Variants in TOMM22 observed in about 807,000 individuals in gnomAD.
The protein encoded by TOMM22 is translocase of outer mitochondrial membrane 22, also known as mitochondrial import receptor subunit TOM22 homolog.
A neutral mutation model predicts 17.1 loss-of-function variants in TOMM22; 3 were observed. The ratio of observed to expected loss-of-function variants is 0.18; its 90% CI spans 0.08 to 0.45. TOMM22 has a LOEUF of 0.45. Among genes scored for constraint, TOMM22 ranks in the 20% least tolerant of loss-of-function variants. The probability of loss-of-function intolerance (pLI) is 0.99; values close to 1 mark genes in which losing one functional copy is unlikely to be tolerated. For synonymous variants in TOMM22, 91 were observed against 74.0 expected, an observed-to-expected ratio of 1.23 and a Z score of -1.18; for missense variants, 159 against 179.5, an observed-to-expected ratio of 0.89 and a Z score of 0.65.
rs1025457542 is a variant in TOMM22, at chr22:38,684,254, A to G, written c.*413A>G. ...GTTGTTGGGGCAGGACATGCACACA[A>G]TGTGAAACAGACAAAATGCATTACA... On this transcript the variant is annotated 3_prime_UTR_variant, in exon 4 of 4. Coordinates refer to ENST00000216034, the MANE Select transcript of TOMM22 (RefSeq NM_020243.5). 14 of 175,686 alleles carry G rather than the reference A, an allele frequency of 8.0e-5. No individual in the cohort carries two copies. Among genetic ancestry groups the G allele is most frequent in the African/African-American group, 1.2e-4 (5 of 42,102 alleles). The allele number at this position is 175,686 out of a possible 1,614,324, so 10.9% of individuals were successfully genotyped here. A position where few individuals can be genotyped will look rare whatever the true frequency, so the allele number is the denominator to read the frequency against.
At chr22:38,682,825 G>A in intron 2 of TOMM22, 54 bp from the exon 3 acceptor site, 2 of 1,503,930 alleles carry the variant, frequency 1.3e-6, no homozygotes, top group Non-Finnish European at 1.8e-6. Context: ...GGTAGTTCTT[G>A]CCTGTTTTGT....
intron 3 of TOMM22, among the ~76,000 whole-genome samples, 154 bp downstream of exon 3, chr22:38,683,150 G>GGGGGGGGGGGGGGGGGGC: frequency 1.5e-5 from 2 of 137,040 alleles, no homozygotes; most frequent in South Asian, 2.4e-4. Context: ...GTCGGGGGGG[G>GGGGGGGGGGGGGGGGGGC]GGTTCTGGAT....
chr22:38,683,656 G>A (rs756380200), intron 3 of TOMM22, 111 bp from the exon 4 acceptor site: 38 of 784,258 alleles, frequency 4.8e-5, no homozygotes, highest in Non-Finnish European at 7.3e-5. Context: ...TCTTTTAGTT[G>A]TCTGACTGTG....
Position 38,684,576 on chromosome 22 carries a change from C to T in TOMM22, c.*735C>T, listed in dbSNP as rs1197239597. On this transcript the variant is annotated 3_prime_UTR_variant, in exon 4 of 4. Transcript: ENST00000216034. ...TCACCTAAACCAGCAGCACCTCCAT[C>T]TTAACAGCCATAGGCCCAAATTGTT... 6.6e-6 allele frequency: 1 copy of T among 152,212 alleles called. No homozygotes were observed. The highest frequency in any genetic ancestry group is 2.4e-5 in the African/African-American group (1 of 41,442). The allele number at this position is 152,212 out of a possible 1,614,324, so 9.4% of individuals were successfully genotyped here.
At chr22:38,682,556 T>G in intron 2 of TOMM22, 115 bp downstream of exon 2, 1 of 879,042 alleles carries the variant, frequency 1.1e-6, no homozygotes, top group Non-Finnish European at 1.8e-6. Flanking sequence ...GCTTGTACCC[T>G]ATCCTTTCTT....
chr22:38,682,317 C>T lies in TOMM22; in HGVS notation c.118-6C>T, dbSNP rs768806882. 34 of 1,613,152 alleles carry T rather than the reference C, an allele frequency of 2.1e-5. No individual in the cohort carries two copies. The South Asian group carries it at 3.3e-4, about 16-fold the overall frequency. ...TCGGCTAAGACCCGCGTCTACTCCA[C>T]CACAGCTAGATGAGACCCTGTCGGA... On this transcript the variant is annotated splice_polypyrimidine_tract_variant and splice_region_variant and intron_variant, in intron 1 of 3. Transcript: ENST00000216034.
At position 38,684,043 on chromosome 22, in the gene TOMM22, C is replaced by A; in HGVS notation, c.*202C>A. On this transcript the variant is annotated 3_prime_UTR_variant, in exon 4 of 4. Transcript: ENST00000216034. ...TCCACACTATCCTTACTTCTGTCTC[C>A]ACTCTGATACCAGAGTGCAGCCATG... The A allele has an allele frequency of 1.8e-6, 1 of 548,442 alleles. No homozygotes were observed. The highest frequency in any genetic ancestry group is 3.3e-6 in the Non-Finnish European group (1 of 303,452). The allele number at this position is 548,442 out of a possible 1,614,324, so 34.0% of individuals were successfully genotyped here.
rs375348339 is a variant in TOMM22, at chr22:38,682,471, C to G, written c.236+30C>G. On this transcript the variant is annotated intron_variant, in intron 2 of 3. Transcript: ENST00000216034. ...GGAACGAGGGCAAAGGCACTGGGTACGTGCATGGGATGGTCGTGGTGCTGT... is the reference window on the plus strand; with the variant it reads ...GGAACGAGGGCAAAGGCACTGGGTAGGTGCATGGGATGGTCGTGGTGCTGT... 2.5e-5 allele frequency: 40 copies of G among 1,582,698 alleles called. No homozygotes were observed. The African/African-American group carries it at 4.3e-4, about 17-fold the overall frequency.
rs2092492108 is a variant in TOMM22, at chr22:38,684,961, T to TGGTAGAGTCAGGGTTTC, written c.*1122_*1138dup. 1 of 152,074 alleles carries TGGTAGAGTCAGGGTTTC rather than the reference T, an allele frequency of 6.6e-6. No individual in the cohort carries two copies. The highest frequency in any genetic ancestry group is 1.5e-5 in the Non-Finnish European group (1 of 68,032). 9.4% of individuals were successfully genotyped at this position (152,074 alleles called of 1,614,324 possible). On this transcript the variant is annotated 3_prime_UTR_variant, in exon 4 of 4. Coordinates refer to ENST00000216034, the MANE Select transcript of TOMM22 (RefSeq NM_020243.5). ...GTGCCCAGCTAGTTTCTTTTATTTT[T>TGGTAGAGTCAGGGTTTC]GGTAGAGTCAGGGTTTCGCCTTGTT... is the stretch of plus-strand genomic sequence containing the variant.
chr22:38,683,425 A>G (rs1222722928), intron 3 of TOMM22, among the ~76,000 whole-genome samples: 4 of 152,170 alleles, frequency 2.6e-5, no homozygotes, highest in Non-Finnish European at 5.9e-5. Context: ...CTGATCTGAC[A>G]GGAGGTGGAG....
chr22:38,683,906 A>T lies in TOMM22; in HGVS notation c.*65A>T. On this transcript the variant is annotated 3_prime_UTR_variant, in exon 4 of 4. Transcript: ENST00000216034. ...TGAAATTCAAGTGTTTGAACTGCTG[A>T]TAATTTGGATTTTTTTTTTTTTTTA... 2 of 1,396,080 alleles carry T rather than the reference A, an allele frequency of 1.4e-6. No individual in the cohort carries two copies. Among genetic ancestry groups the T allele is most frequent in the Non-Finnish European group, 1.0e-6 (1 of 999,766 alleles). The allele number at this position is 1,396,080 out of a possible 1,614,324, so 86.5% of individuals were successfully genotyped here.
At position 38,682,986 on chromosome 22, in the gene TOMM22, A is replaced by C; in HGVS notation, c.344A>C (p.Gln115Pro). The change falls in exon 3 of 4, where the codon CAG (glutamine) becomes CCG (proline). Residue 115 changes from glutamine to proline, a missense_variant. By Grantham distance (76) the Gln-to-Pro change is moderately conservative. Coordinates refer to ENST00000216034, the MANE Select transcript of TOMM22 (RefSeq NM_020243.5). ...CAAATGGAGCAACAGCAGCAACTGC[A>C]GCAGCGGCAGGTGAGCCCAGACCTT... Reference protein sequence around the residue: ...KLQMEQQQQLQQRQILLGPNT... With the variant: ...KLQMEQQQQLPQRQILLGPNT... 6.2e-7 allele frequency: 1 copy of C among 1,613,670 alleles called. No homozygotes were observed. Among genetic ancestry groups the C allele is most frequent in the Non-Finnish European group, 8.5e-7 (1 of 1,179,716 alleles).
At position 38,682,937 on chromosome 22, in the gene TOMM22, G is replaced by C; in HGVS notation, c.295G>C (p.Val99Leu). ...TTSFMILVLP[V>L]VFETEKLQME... is the part of the protein sequence containing the mutation. ...TTCCTTTATGATCCTGGTTCTTCCC[G>C]TTGTCTTTGAGACGGAGAAGTTGCA... The change falls in exon 3 of 4, where the codon GTT (valine) becomes CTT (leucine). Residue 99 changes from valine to leucine, a missense_variant. This residue lies in a region of TOMM22 where 19 missense variants were observed against 44.6 expected (regional missense o/e 0.43). Coordinates refer to ENST00000216034, the MANE Select transcript of TOMM22 (RefSeq NM_020243.5). The C allele has an allele frequency of 1.2e-6, 2 of 1,613,684 alleles. No homozygotes were observed. The highest frequency in any genetic ancestry group is 1.7e-6 in the Non-Finnish European group (2 of 1,179,842).
In TOMM22 at chr22:38,684,727, T is replaced by C. The variant is rs1039616041; in HGVS notation, c.*886T>C. The C allele has an allele frequency of 2.0e-5, 3 of 152,116 alleles. No individual in the cohort carries two copies. Among genetic ancestry groups the C allele is most frequent in the African/African-American group, 7.2e-5 (3 of 41,420 alleles). 9.4% of individuals were successfully genotyped at this position (152,116 alleles called of 1,614,324 possible). A position where few individuals can be genotyped will look rare whatever the true frequency, so the allele number is the denominator to read the frequency against. On this transcript the variant is annotated 3_prime_UTR_variant, in exon 4 of 4. Transcript: ENST00000216034. ...GTCTATGTACTTCTTTAGTCTATAA[T>C]GACACTGTGTAATTATAAAGTATTT...
Position 38,682,190 on chromosome 22 carries a change from G to C in TOMM22, c.117+95G>C, listed in dbSNP as rs1569259554. 3.3e-6 allele frequency: 5 copies of C among 1,501,630 alleles called. No homozygotes were observed. In the East Asian group the frequency reaches 1.2e-4, roughly 36 times the overall value. 93.0% of individuals were successfully genotyped at this position (1,501,630 alleles called of 1,614,324 possible). A position where few individuals can be genotyped will look rare whatever the true frequency, so the allele number is the denominator to read the frequency against. The stretch of plus-strand genomic sequence containing the variant: ...GGATCGGAGCGAAGCGGCTGCTTTG[G>C]GAGGCGGGGTTAGGGGCCCTGCTGG... On this transcript the variant is annotated intron_variant, in intron 1 of 3. Transcript: ENST00000216034.
rs1040272071 is a variant in TOMM22 at position 38,682,019 on chromosome 22, A to G, written c.41A>G (p.Gln14Arg). ...GCTGCTGCCGGTGCAGGGGAACCCC[A>G]GTCCCCGGACGAATTGCTCCCGAAA... Reference protein sequence around the residue: ...AVAAAGAGEPQSPDELLPKGD... With the variant: ...AVAAAGAGEPRSPDELLPKGD... Residue 14 changes from glutamine to arginine, a missense_variant, in exon 1 of 4, where the codon CAG becomes CGG. Transcript: ENST00000216034. The G allele has an allele frequency of 8.1e-6, 13 of 1,611,176 alleles. No individual in the cohort carries two copies. Among genetic ancestry groups the G allele is most frequent in the African/African-American group, 1.3e-5 (1 of 74,888 alleles).
chr22:38,683,097 G>C, intron 3 of TOMM22, 101 bp downstream of exon 3: 1 of 481,298 alleles, frequency 2.1e-6, no homozygotes. Flanking sequence ...TGGTTTCATG[G>C]AACACAGTTT....
At position 38,684,773 on chromosome 22, in the gene TOMM22, G is replaced by C. The variant is rs988692956; in HGVS notation, c.*932G>C. On this transcript the variant is annotated 3_prime_UTR_variant, in exon 4 of 4. Coordinates refer to ENST00000216034, the MANE Select transcript of TOMM22 (RefSeq NM_020243.5). ...TATTTGTAGGGAATAACATAGTACTGATTTCTGGGGAATAGGGGAGGGGGA... is the reference window on the plus strand; with the variant it reads ...TATTTGTAGGGAATAACATAGTACTCATTTCTGGGGAATAGGGGAGGGGGA... 2.0e-5 allele frequency: 3 copies of C among 151,052 alleles called. No homozygotes were observed. The highest frequency in any genetic ancestry group is 4.4e-5 in the Non-Finnish European group (3 of 67,938). 9.4% of individuals were successfully genotyped at this position (151,052 alleles called of 1,614,324 possible). A position where few individuals can be genotyped will look rare whatever the true frequency, so the allele number is the denominator to read the frequency against.
rs374336145 is a variant in TOMM22, at chr22:38,682,326, G to C, written c.121G>C (p.Asp41His). ...ELEEDDDEEL[D>H]ETLSERLWGL... The stretch of plus-strand genomic sequence containing the variant: ...ACCCGCGTCTACTCCACCACAGCTA[G>C]ATGAGACCCTGTCGGAGAGACTATG... The change falls in exon 2 of 4, where the codon GAT becomes CAT. Residue 41 changes from aspartate (D) to histidine (H), a missense_variant. Physicochemically the swap from Asp to His is moderately conservative, Grantham distance 81 (BLOSUM62 -1). Transcript: ENST00000216034. 1 of 1,614,028 alleles carries C rather than the reference G, an allele frequency of 6.2e-7. No individual in the cohort carries two copies. Among genetic ancestry groups the C allele is most frequent in the Non-Finnish European group, 8.5e-7 (1 of 1,179,986 alleles).
Sources: allele counts gnomAD v4.1 joint callset (sites outside exome capture counted in the v4.1 genomes callset), GRCh38; gene constraint gnomAD v4.1.1; regional missense constraint gnomAD v4.1.1; transcripts MANE v1.5; gene names NCBI Gene and HGNC (gene_info 2026-07-23, HGNC 2026-07-21).